Variants in KCNN2 observed in about 807,000 individuals in gnomAD.
KCNN2 encodes the protein potassium calcium-activated channel subfamily N member 2.
In KCNN2, 24 loss-of-function variants were observed where a neutral mutation model predicts 55.5. The observed-to-expected ratio is 0.43, with a 90% CI of 0.31 to 0.61. KCNN2 has a LOEUF of 0.61. Ranked by LOEUF, KCNN2 falls within the 20% of genes least tolerant of loss-of-function variation. KCNN2 has a pLI of 0.08. For missense variants in KCNN2, 754 were observed against 853.6 expected (o/e 0.88, Z 1.45); for synonymous variants, 431 against 336.1 (o/e 1.28, Z -3.09).
chr5:114,228,879 CT>C (rs1201894733), intron 2 of KCNN2, among the ~76,000 whole-genome samples: 1 of 151,868 alleles, frequency 6.6e-6, no homozygotes, highest in Non-Finnish European at 1.5e-5. Context: ...AAGCGTTTTG[CT>C]TTCAAAAATA....
intron 3 of KCNN2, among the ~76,000 whole-genome samples, chr5:114,428,416 G>A (rs1265824774): frequency 1.3e-5 from 2 of 152,104 alleles, no homozygotes; most frequent in Non-Finnish European, 2.9e-5. Flanking sequence ...ATCTCCTAAA[G>A]TATAATCCTA....
At chr5:114,477,736 A>G (rs2150128761) in intron 5 of KCNN2, among the ~76,000 whole-genome samples, 1 of 152,290 alleles carries the variant, frequency 6.6e-6, no homozygotes, top group Middle Eastern at 3.4e-3. Context: ...TGATCCCCAG[A>G]ATACCTTTTT....
At chr5:114,210,372 G>GAGGCTGGT (rs1753858519) in intron 1 of KCNN2, among the ~76,000 whole-genome samples, 1 of 152,128 alleles carries the variant, frequency 6.6e-6, no homozygotes, top group Non-Finnish European at 1.5e-5. Context: ...GTTGCAACTG[G>GAGGCTGGT]AGGCTGGTAG....
intron 2 of KCNN2, among the ~76,000 whole-genome samples, chr5:114,278,748 G>A (rs1366530361): frequency 2.0e-5 from 3 of 152,180 alleles, no homozygotes; most frequent in African/African-American, 7.2e-5. Context: ...GGGCAGGAGT[G>A]TACCGCTCCT....
intron 2 of KCNN2, among the ~76,000 whole-genome samples, chr5:114,275,093 A>G (rs1019325605): frequency 2.0e-5 from 3 of 152,154 alleles, no homozygotes; most frequent in Non-Finnish European, 2.9e-5. Context: ...TGAGATAATT[A>G]TGTGGTTTTT....
intron 2 of KCNN2, among the ~76,000 whole-genome samples, chr5:114,287,684 G>A (rs1197081387): frequency 1.3e-5 from 2 of 151,842 alleles, no homozygotes; most frequent in South Asian, 4.2e-4. Flanking sequence ...GTTGATGGGT[G>A]CAGTAAACCG....
chr5:114,163,045 C>T (rs1752824734), intron 1 of KCNN2, among the ~76,000 whole-genome samples: 1 of 152,160 alleles, frequency 6.6e-6, no homozygotes, highest in Non-Finnish European at 1.5e-5. Context: ...GTGAGATGAA[C>T]CGGGTACCTC....
At chr5:114,071,540 G>A (rs1364463097) in intron 1 of KCNN2, among the ~76,000 whole-genome samples, 2 of 152,176 alleles carry the variant, frequency 1.3e-5, no homozygotes, top group Admixed American at 6.5e-5. Flanking sequence ...TGAAATAACA[G>A]TTGAGTTGAT....
At chr5:114,246,748 A>C (rs973427011) in intron 2 of KCNN2, among the ~76,000 whole-genome samples, 15 of 152,166 alleles carry the variant, frequency 9.9e-5, no homozygotes, top group African/African-American at 3.6e-4. Flanking sequence ...TCAAATGAAT[A>C]AGACAATATT....
chr5:114,185,547 T>C (rs1753314345), intron 1 of KCNN2, among the ~76,000 whole-genome samples: 1 of 152,216 alleles, frequency 6.6e-6, no homozygotes, highest in Non-Finnish European at 1.5e-5. Context: ...CAGGGAACTC[T>C]GGCCTTGTGG....
At chr5:114,452,604 C>T (rs975916645) in intron 3 of KCNN2, among the ~76,000 whole-genome samples, 1 of 152,186 alleles carries the variant, frequency 6.6e-6, no homozygotes, top group Non-Finnish European at 1.5e-5. Flanking sequence ...CTAGATAGCA[C>T]ATTAAAATCA....
chr5:114,164,728 A>T lies in KCNN2; in HGVS notation c.-270-56752A>T, dbSNP rs10040379. Among the ~76,000 whole-genome samples the T allele has an allele frequency of 1.7e-3, 262 of 152,240 alleles. 1 individual carries two copies. Among genetic ancestry groups the T allele is most frequent in the African/African-American group, 6.0e-3 (250 of 41,558 alleles). On this transcript the variant is annotated intron_variant, in intron 1 of 10. Coordinates refer to the KCNN2 transcript ENST00000512097. ...TGGATGTACATATTTAAATTTAGTA[A>T]TGTGACGATCCTATAAGTTGTAGAA...
At chr5:114,284,796 G>A (rs1316036968) in intron 2 of KCNN2, among the ~76,000 whole-genome samples, 1 of 151,812 alleles carries the variant, frequency 6.6e-6, no homozygotes, top group Non-Finnish European at 1.5e-5. Context: ...AGGATTACAG[G>A]CGTCAGCCAC....
chr5:114,432,636 G>C (rs1199822130), intron 3 of KCNN2, among the ~76,000 whole-genome samples: 1 of 152,180 alleles, frequency 6.6e-6, no homozygotes, highest in African/African-American at 2.4e-5. Flanking sequence ...TTTCTGGGCT[G>C]GCCAAGGCCA....
At chr5:114,465,302 T>A (rs1480782742) in intron 4 of KCNN2, among the ~76,000 whole-genome samples, 1 of 152,168 alleles carries the variant, frequency 6.6e-6, no homozygotes. Flanking sequence ...TCACTACTGA[T>A]CTTACTTTGC....
intron 2 of KCNN2, among the ~76,000 whole-genome samples, chr5:114,298,799 G>A (rs1375581404): frequency 6.6e-6 from 1 of 152,046 alleles, no homozygotes; most frequent in Non-Finnish European, 1.5e-5. Context: ...AAGTAATAAT[G>A]GTGGTGAGGA....
At chr5:114,240,034 G>A (rs950904334) in intron 2 of KCNN2, among the ~76,000 whole-genome samples, 9 of 152,070 alleles carry the variant, frequency 5.9e-5, no homozygotes, top group South Asian at 2.1e-4. Flanking sequence ...TTAAGAAACC[G>A]CCATAAGTTT....
At chr5:114,434,285 C>CT (rs2150089309) in intron 3 of KCNN2, among the ~76,000 whole-genome samples, 1 of 151,898 alleles carries the variant, frequency 6.6e-6, no homozygotes, top group African/African-American at 2.4e-5. Flanking sequence ...TCAAGACATT[C>CT]TTTATTTTTG....
At chr5:114,065,708 A>T (rs1287159579) in intron 1 of KCNN2, among the ~76,000 whole-genome samples, 1 of 152,102 alleles carries the variant, frequency 6.6e-6, no homozygotes, top group Non-Finnish European at 1.5e-5. Flanking sequence ...AGCTCCAAGG[A>T]TTTGGTTCTT....
Sources: gnomAD v4.1 joint callset for allele counts (sites outside exome capture counted in the v4.1 genomes callset) on GRCh38, gnomAD v4.1.1 for gene constraint, MANE v1.5 for transcripts, NCBI Gene and HGNC (gene_info 2026-07-23, HGNC 2026-07-21) for gene names.